Variants in ZBTB25 observed in about 807,000 individuals in gnomAD.
ZBTB25 encodes the protein zinc finger and BTB domain-containing protein 25.
A neutral mutation model predicts 34.2 loss-of-function variants in ZBTB25; 20 were observed. The ratio of observed to expected loss-of-function variants is 0.58; its 90% CI spans 0.41 to 0.85. The LOEUF is 0.85. ZBTB25 is among the 40% of genes least tolerant of loss of function. The pLI is 0.00. For missense variants in ZBTB25, 437 were observed against 521.8 expected (o/e 0.84, Z 1.58); for synonymous variants, 175 against 186.4 (o/e 0.94, Z 0.50).
chr14:64,492,735 TA>T (rs1452499717), intron 1 of ZBTB25, among the ~76,000 whole-genome samples: 3 of 152,172 alleles, frequency 2.0e-5, no homozygotes, highest in African/African-American at 7.2e-5. Context: ...ATCTTATGGT[TA>T]ATGGTCTGTT....
rs1261325215 is a variant in ZBTB25 at position 64,449,747 on chromosome 14, A to G, written c.174-109T>C. 7 of 1,137,764 alleles carry G rather than the reference A, an allele frequency of 6.2e-6. No homozygotes were observed. In the East Asian group the frequency reaches 1.5e-4, roughly 25 times the overall value. 70.5% of individuals were successfully genotyped at this position (1,137,764 alleles called of 1,614,324 possible). On this transcript the variant is annotated intron_variant, in intron 2 of 2. Coordinates refer to the ZBTB25 transcript ENST00000555220. ...CAGCCTTGCGGTTTGATTCCCACGT[A>G]GGTGACTTACACAACCACAGCCTGG... is the stretch of plus-strand genomic sequence containing the variant.
intron 1 of ZBTB25, among the ~76,000 whole-genome samples, chr14:64,501,786 G>C (rs1363096553): frequency 6.6e-6 from 1 of 152,184 alleles, no homozygotes; most frequent in Non-Finnish European, 1.5e-5. Context: ...TCCCCAGCTA[G>C]ACAGCCTGGC....
At chr14:64,469,725 T>A in intron 2 of ZBTB25, 177 of 1,182,966 alleles carry the variant, frequency 1.5e-4, no homozygotes, top group Non-Finnish European at 2.0e-4. Context: ...AATGAAGAAT[T>A]CTTTTATACA....
chr14:64,504,653 G>A, upstream of ZBTB25: 1 of 339,670 alleles, frequency 2.9e-6, no homozygotes, highest in Admixed American at 4.8e-5. Flanking sequence ...GGGCGAGAGG[G>A]AGGGGAAGGC....
Position 64,486,771 on chromosome 14 carries a change from G to A in ZBTB25, c.*152C>T. 2 of 1,358,284 alleles carry A rather than the reference G, an allele frequency of 1.5e-6. No individual in the cohort carries two copies. Among genetic ancestry groups the A allele is most frequent in the Non-Finnish European group, 9.5e-7 (1 of 1,057,104 alleles). 84.1% of individuals were successfully genotyped at this position (1,358,284 alleles called of 1,614,324 possible). A position where few individuals can be genotyped will look rare whatever the true frequency, so the allele number is the denominator to read the frequency against. On this transcript the variant is annotated 3_prime_UTR_variant, in exon 3 of 3. Transcript: ENST00000608382. Reference sequence around the variant, plus strand: ...ATAGCCACATATTAATATGTCTTATGAGAAGATCTAATATATACAACCTTA... The same window carrying A: ...ATAGCCACATATTAATATGTCTTATAAGAAGATCTAATATATACAACCTTA...
chr14:64,471,524 T>G (rs1233928311), intron 2 of ZBTB25: 1 of 167,098 alleles, frequency 6.0e-6, no homozygotes, highest in Non-Finnish European at 1.5e-5. Context: ...ATTTACATAT[T>G]GAAAGGGAAG....
chr14:64,504,819 C>T (rs1018924425), upstream of ZBTB25: 3 of 389,040 alleles, frequency 7.7e-6, no homozygotes, highest in South Asian at 3.9e-4. Context: ...GCAGCCCAGC[C>T]CGAGCGCCGA....
intron 1 of ZBTB25, among the ~76,000 whole-genome samples, chr14:64,495,713 T>A (rs1253246879): frequency 6.6e-6 from 1 of 152,196 alleles, no homozygotes; most frequent in Non-Finnish European, 1.5e-5. Context: ...TCCCAGAACT[T>A]TGGGAGGCAG....
At chr14:64,475,715 CTG>C (rs1192307838), downstream of ZBTB25, among the ~76,000 whole-genome samples, 1 of 152,142 alleles carries the variant, frequency 6.6e-6, no homozygotes, top group African/African-American at 2.4e-5. Flanking sequence ...CTCTGCAAAA[CTG>C]GGTGTGGGCA....
rs1213166171 is a variant in ZBTB25, at chr14:64,484,305, G to A, written c.*2618C>T. ...TTACCATTTATCCAAACTCTGCCCT[G>A]AGGCACTTGCTGTCTTATCCAACCA... On this transcript the variant is annotated 3_prime_UTR_variant, in exon 3 of 3. Coordinates refer to ENST00000608382, the MANE Select transcript of ZBTB25 (RefSeq NM_006977.5). The A allele has an allele frequency of 6.6e-6, 1 of 152,238 alleles. No individual in the cohort carries two copies. The highest frequency in any genetic ancestry group is 2.4e-5 in the African/African-American group (1 of 41,446). 9.4% of individuals were successfully genotyped at this position (152,238 alleles called of 1,614,324 possible). A position where few individuals can be genotyped will look rare whatever the true frequency, so the allele number is the denominator to read the frequency against.
In ZBTB25 at chr14:64,484,878, G is replaced by C. The variant is rs977122996; in HGVS notation, c.*2045C>G. 5.2e-6 allele frequency: 2 copies of C among 388,180 alleles called. No homozygotes were observed. The highest frequency in any genetic ancestry group is 2.1e-4 in the South Asian group (2 of 9,428). The allele number at this position is 388,180 out of a possible 1,614,324, so 24.0% of individuals were successfully genotyped here. A position where few individuals can be genotyped will look rare whatever the true frequency, so the allele number is the denominator to read the frequency against. On this transcript the variant is annotated 3_prime_UTR_variant, in exon 3 of 3. Transcript: ENST00000608382. ...CAATGAGATGATATTTTTGAGGGCA[G>C]TACAAATTTCAATAGTTGCTTAAGT...
downstream of ZBTB25, chr14:64,474,547 C>A (rs1312787496): frequency 1.8e-5 from 3 of 166,360 alleles, no homozygotes; most frequent in African/African-American, 4.8e-5. Context: ...AAACTATGTT[C>A]ATTTCCTATA....
chr14:64,454,614 T>C (rs1437924613), intron 2 of ZBTB25: 32 of 860,618 alleles, frequency 3.7e-5, no homozygotes, highest in Non-Finnish European at 1.5e-5. Context: ...ATAAAGGGAG[T>C]TGGATGTTTC....
chr14:64,491,631 C>A (rs1294382682), intron 1 of ZBTB25, among the ~76,000 whole-genome samples: 1 of 152,186 alleles, frequency 6.6e-6, no homozygotes, highest in African/African-American at 2.4e-5. Context: ...GTATAAGCAG[C>A]AAAAACATTC....
intron 2 of ZBTB25, among the ~76,000 whole-genome samples, chr14:64,465,142 G>A (rs1485770411): frequency 6.6e-6 from 1 of 152,200 alleles, no homozygotes; most frequent in East Asian, 1.9e-4. Flanking sequence ...TGTGTAATGC[G>A]ACTGTCTATA....
At chr14:64,498,204 T>C (rs577927015) in intron 1 of ZBTB25, among the ~76,000 whole-genome samples, 2 of 152,338 alleles carry the variant, frequency 1.3e-5, no homozygotes, top group African/African-American at 4.8e-5. Context: ...TTCTTATTGC[T>C]GACTATACTG....
exon 3 of ZBTB25, chr14:64,449,576 G>A: frequency 6.2e-7 from 1 of 1,614,208 alleles, no homozygotes. Flanking sequence ...GCCGTCCAGA[G>A]AGCAGCACAA....
Position 64,479,389 on chromosome 14 carries a change from T to C in ZBTB25, c.*7534A>G, listed in dbSNP as rs1469187533. Reference sequence around the variant, plus strand: ...CACCCAACTGTGACAACCAAAAACATCTCCACATCGTCAAATGTCTCTATG... The same window carrying C: ...CACCCAACTGTGACAACCAAAAACACCTCCACATCGTCAAATGTCTCTATG... On this transcript the variant is annotated 3_prime_UTR_variant, in exon 3 of 3. Coordinates refer to ENST00000608382, the MANE Select transcript of ZBTB25 (RefSeq NM_006977.5). 6.6e-6 allele frequency: 1 copy of C among 151,968 alleles called. No homozygotes were observed. The highest frequency in any genetic ancestry group is 1.5e-5 in the Non-Finnish European group (1 of 68,004). The allele number at this position is 151,968 out of a possible 1,614,324, so 9.4% of individuals were successfully genotyped here.
rs939213255 is a variant in ZBTB25, at chr14:64,483,144, A to C, written c.*3779T>G. ...AATGTTTAGTATCTGCCTGATACACACGAAAGTGCATATGACATTTCCAGT... is the reference window on the plus strand; with the variant it reads ...AATGTTTAGTATCTGCCTGATACACCCGAAAGTGCATATGACATTTCCAGT... On this transcript the variant is annotated 3_prime_UTR_variant, in exon 3 of 3. Coordinates refer to ENST00000608382, the MANE Select transcript of ZBTB25 (RefSeq NM_006977.5). The C allele has an allele frequency of 7.2e-5, 11 of 152,232 alleles. No homozygotes were observed. Among genetic ancestry groups the C allele is most frequent in the Non-Finnish European group, 1.5e-5 (1 of 68,044 alleles). 9.4% of individuals were successfully genotyped at this position (152,232 alleles called of 1,614,324 possible). A position where few individuals can be genotyped will look rare whatever the true frequency, so the allele number is the denominator to read the frequency against.
Sources: allele counts gnomAD v4.1 joint callset (sites outside exome capture counted in the v4.1 genomes callset), GRCh38; gene constraint gnomAD v4.1.1; transcripts MANE v1.5; gene names NCBI Gene and HGNC (gene_info 2026-07-23, HGNC 2026-07-21).